The following CRACD variants were observed in gnomAD, a reference collection of about 807,000 sequenced individuals.
CRACD encodes capping protein inhibiting regulator of actin dynamics.
Under a neutral mutation model 106.8 loss-of-function variants are expected in CRACD, and 56 were observed. That is an observed-to-expected ratio of 0.52 (90% CI 0.42 to 0.66). The LOEUF is 0.66. Among genes scored for constraint, CRACD ranks in the 30% least tolerant of loss-of-function variants. The pLI is 0.00. For missense variants in CRACD, 1,730 were observed against 1,623.2 expected, an observed-to-expected ratio of 1.07 and a Z score of -1.13; for synonymous variants, 754 against 670.8, an observed-to-expected ratio of 1.12 and a Z score of -1.92.
intron 2 of CRACD, among the ~76,000 whole-genome samples, chr4:56,232,140 G>T (rs1478375475): frequency 6.6e-6 from 1 of 152,068 alleles, no homozygotes; most frequent in Non-Finnish European, 1.5e-5. Context: ...CCTATTCATT[G>T]CCAGGCAACC....
At chr4:56,058,891 A>G (rs1045141152) in intron 1 of CRACD, among the ~76,000 whole-genome samples, 4 of 152,220 alleles carry the variant, frequency 2.6e-5, no homozygotes, top group Non-Finnish European at 5.9e-5. Context: ...CGACACTTCA[A>G]TTAATTTCAT....
intron 1 of CRACD, among the ~76,000 whole-genome samples, chr4:56,060,765 C>A (rs148652808): frequency 7.6e-4 from 116 of 152,130 alleles, no homozygotes; most frequent in African/African-American, 2.8e-3. Context: ...TTATAATGGT[C>A]GTGAGGGTGG....
At position 56,314,250 on chromosome 4, in the gene CRACD, G is replaced by A. The variant is rs1272599436; in HGVS notation, c.748G>A (p.Glu250Lys). 3 of 1,579,742 alleles carry A rather than the reference G, an allele frequency of 1.9e-6. No individual in the cohort carries two copies. The highest frequency in any genetic ancestry group is 1.9e-5 in the Admixed American group (1 of 52,930). The change falls in exon 8 of 11, where the codon GAG becomes AAG. Residue 250 changes from glutamate (E) to lysine (K), a missense_variant. By Grantham distance (56) the Glu-to-Lys change is moderately conservative (BLOSUM62 1). This residue lies in a region of CRACD where 1,620 missense variants were observed against 1,481.6 expected (regional missense o/e 1.09). Coordinates refer to ENST00000682029, the MANE Select transcript of CRACD (RefSeq NM_001393381.1). The surrounding 1 kb of genome is among the most constrained non-coding windows in gnomAD (Gnocchi z 4.4). ...AEAAEKRRLEEQRLQALERRL... is the reference protein window; with the variant it reads ...AEAAEKRRLEKQRLQALERRL... ...AGCAGCCGAGAAGAGACGCCTAGAG[G>A]AGCAGAGGCTGCAGGCGCTGGAGAG...
chr4:56,073,523 C>T (rs1048570643), intron 1 of CRACD, among the ~76,000 whole-genome samples: 2 of 152,040 alleles, frequency 1.3e-5, no homozygotes, highest in Admixed American at 6.6e-5. Flanking sequence ...AGTCCTTATT[C>T]ATATCCTTTG....
At chr4:56,281,986 C>G (rs937591537) in intron 3 of CRACD, among the ~76,000 whole-genome samples, 44 of 152,200 alleles carry the variant, frequency 2.9e-4, no homozygotes, top group Middle Eastern at 6.8e-3. Context: ...TATCAAATAG[C>G]GTATATTTTG....
chr4:56,250,486 A>G (rs1740988155), intron 2 of CRACD, among the ~76,000 whole-genome samples: 1 of 152,186 alleles, frequency 6.6e-6, no homozygotes, highest in South Asian at 2.1e-4. Flanking sequence ...AACTTGCCCA[A>G]AGTCTCCTAG....
intron 2 of CRACD, among the ~76,000 whole-genome samples, chr4:56,200,407 T>C (rs187670599): frequency 2.0e-5 from 3 of 152,284 alleles, no homozygotes; most frequent in Non-Finnish European, 2.9e-5. Flanking sequence ...ATATTAACAC[T>C]GTTAGTTCTA....
At chr4:56,098,712 G>A (rs1359351041) in intron 1 of CRACD, among the ~76,000 whole-genome samples, 11 of 152,156 alleles carry the variant, frequency 7.2e-5, no homozygotes, top group Admixed American at 4.6e-4. Flanking sequence ...TTTTTTTTGA[G>A]ACAGAGGCTT....
rs547963506 is a variant in CRACD at position 56,265,827 on chromosome 4, C to T, written c.-188-6494C>T. Among the ~76,000 whole-genome samples, 8 of 152,212 alleles carry T rather than the reference C, an allele frequency of 5.3e-5. No individual in the cohort carries two copies. The East Asian group carries it at 5.8e-4, about 11-fold the overall frequency. ...TCATAGCACATTTCTGTTCTTCACT[C>T]GGAAGCATATCCTAGAAATCCAATG... On this transcript the variant is annotated intron_variant, in intron 2 of 10. Coordinates refer to ENST00000682029, the MANE Select transcript of CRACD (RefSeq NM_001393381.1).
intron 3 of CRACD, among the ~76,000 whole-genome samples, chr4:56,283,053 G>T (rs1743120498): frequency 6.6e-6 from 1 of 152,144 alleles, no homozygotes; most frequent in African/African-American, 2.4e-5. Flanking sequence ...TGACCTTCAA[G>T]TGTGCTGAGC....
At chr4:56,282,931 C>T (rs549123160) in intron 3 of CRACD, among the ~76,000 whole-genome samples, 5 of 152,308 alleles carry the variant, frequency 3.3e-5, no homozygotes, top group South Asian at 2.1e-4. Context: ...CTCTTCCTGA[C>T]GCCTCTCCGC....
At chr4:56,142,530 G>A (rs1287566908) in intron 1 of CRACD, among the ~76,000 whole-genome samples, 8 of 152,054 alleles carry the variant, frequency 5.3e-5, no homozygotes, top group Non-Finnish European at 2.9e-5. Context: ...TATGCTAGGT[G>A]TTATAGGCTA....
intron 2 of CRACD, among the ~76,000 whole-genome samples, chr4:56,224,529 A>G (rs1459550948): frequency 6.6e-6 from 1 of 152,200 alleles, no homozygotes; most frequent in African/African-American, 2.4e-5. Flanking sequence ...AATTAGGAAA[A>G]TGCAAATTAA....
chr4:56,158,090 A>G (rs7658230), intron 1 of CRACD, among the ~76,000 whole-genome samples: 63,136 of 152,092 alleles, frequency 0.42, 13,758 homozygotes, highest in African/African-American at 0.54. Context: ...ATAAATACAT[A>G]TGCATGGATG....
At position 56,049,170 on chromosome 4, in the gene CRACD, G is replaced by A. The variant is rs1473493364; in HGVS notation, c.-465G>A. 6.7e-6 allele frequency: 1 copy of A among 149,720 alleles called. No individual in the cohort carries two copies. The highest frequency in any genetic ancestry group is 1.5e-5 in the Non-Finnish European group (1 of 66,954). The allele number at this position is 149,720 out of a possible 1,614,324, so 9.3% of individuals were successfully genotyped here. On this transcript the variant is annotated 5_prime_UTR_variant, in exon 1 of 11. Transcript: ENST00000682029. The stretch of plus-strand genomic sequence containing the variant: ...CCGACTGAGAGGCGGGTGCGCTGCT[G>A]GTGCTGCTGCCGCGGCGGCTGCTGA...
At chr4:56,251,001 A>C (rs1401465702) in intron 2 of CRACD, among the ~76,000 whole-genome samples, 1 of 152,234 alleles carries the variant, frequency 6.6e-6, no homozygotes, top group South Asian at 2.1e-4. Flanking sequence ...GGCAGTTAGT[A>C]ACAAGTTCTG....
At chr4:56,262,840 A>G (rs1741785652) in intron 2 of CRACD, among the ~76,000 whole-genome samples, 1 of 152,216 alleles carries the variant, frequency 6.6e-6, no homozygotes, top group African/African-American at 2.4e-5. Flanking sequence ...TGTTTTCCTA[A>G]AATATTGCAC....
At chr4:56,057,752 T>C (rs1199095272) in intron 1 of CRACD, among the ~76,000 whole-genome samples, 1 of 149,196 alleles carries the variant, frequency 6.7e-6, no homozygotes, top group African/African-American at 2.5e-5. Flanking sequence ...GCCTCCTGAG[T>C]AGCTGGGATT....
At chr4:56,089,667 C>T (rs550353368) in intron 1 of CRACD, among the ~76,000 whole-genome samples, 2 of 152,188 alleles carry the variant, frequency 1.3e-5, no homozygotes, top group Non-Finnish European at 2.9e-5. Context: ...GCATGGGCCA[C>T]CACACACAGC....
Sources: gnomAD v4.1 joint callset for allele counts (sites outside exome capture counted in the v4.1 genomes callset) on GRCh38, gnomAD v4.1.1 for gene constraint, gnomAD v4.1.1 regional missense constraint, Gnocchi (gnomAD v3.1) non-coding constraint, MANE v1.5 for transcripts, NCBI Gene and HGNC (gene_info 2026-07-23, HGNC 2026-07-21) for gene names.